The following ZIM2 variants were observed in gnomAD, a reference collection of about 807,000 sequenced individuals.
ZIM2 encodes the protein zinc finger imprinted 2.
A neutral mutation model predicts 38.6 loss-of-function variants in ZIM2; 14 were observed. That is an observed-to-expected ratio of 0.36 (90% CI 0.24 to 0.57). The LOEUF is 0.57. Ranked by LOEUF, ZIM2 falls within the 20% of genes least tolerant of loss-of-function variation. The pLI is 0.81. For missense variants in ZIM2, 680 were observed against 695.1 expected (o/e 0.98, Z 0.24); for synonymous variants, 247 against 245.8 (o/e 1.00, Z -0.04).
At chr19:56,838,830 G>A (rs577404932) in intron 1 of ZIM2, among the ~76,000 whole-genome samples, 1 of 152,298 alleles carries the variant, frequency 6.6e-6, no homozygotes, top group African/African-American at 2.4e-5. Context: ...AGGCAGGCAA[G>A]CACAGCAACC....
chr19:56,789,917 C>G lies in ZIM2; in HGVS notation c.525G>C (p.Lys175Asn). The change falls in exon 10 of 13, where the codon AAG becomes AAC. Residue 175 changes from lysine (K) to asparagine (N), a missense_variant. Transcript: ENST00000629319. ...GATTGTCTAACATCTCTGTGTTCCT[C>G]TTTTCTGCAGGGACAGAGTCCTGAG... ...FLAQDSVPAE[K>N]RNTEMLDNLP... 1 of 1,582,602 alleles carries G rather than the reference C, an allele frequency of 6.3e-7. No individual in the cohort carries two copies. Among genetic ancestry groups the G allele is most frequent in the Non-Finnish European group, 8.6e-7 (1 of 1,158,370 alleles).
intron 3 of ZIM2, among the ~76,000 whole-genome samples, chr19:56,825,960 G>A (rs1256234800): frequency 2.6e-5 from 4 of 152,130 alleles, no homozygotes; most frequent in Non-Finnish European, 5.9e-5. Context: ...CCCTCCCTAT[G>A]CAAACTGCCC....
chr19:56,789,344 C>A (rs993651574), intron 10 of ZIM2, among the ~76,000 whole-genome samples: 1 of 152,178 alleles, frequency 6.6e-6, no homozygotes, highest in Non-Finnish European at 1.5e-5. Context: ...ACTGCACTAC[C>A]TTAGGCAGCA....
intron 2 of ZIM2, among the ~76,000 whole-genome samples, chr19:56,830,106 C>A (rs1440656492): frequency 6.6e-6 from 1 of 152,218 alleles, no homozygotes; most frequent in African/African-American, 2.4e-5. Context: ...ATGAATCCAA[C>A]AGAACAACAG....
At chr19:56,806,669 T>C (rs112005031) in intron 9 of ZIM2, among the ~76,000 whole-genome samples, 5 of 152,300 alleles carry the variant, frequency 3.3e-5, no homozygotes, top group African/African-American at 1.2e-4. Flanking sequence ...AATGTTTGTG[T>C]CCCCACAAAA....
In ZIM2 at chr19:56,782,023, G is replaced by A; in HGVS notation, c.669C>T (p.Ser223=). The A allele has an allele frequency of 2.5e-6, 4 of 1,613,986 alleles. No individual in the cohort carries two copies. The highest frequency in any genetic ancestry group is 3.4e-6 in the Non-Finnish European group (4 of 1,179,928). Residue 223 remains serine, a synonymous_variant, in exon 11 of 13, where the codon TCC becomes TCT. Transcript: ENST00000629319. ...AGAGGTTTCTCTGAGCAGCACTAAG[G>A]GAACTAAGTTCCTCTGGGCTGAAGT... ...LVDFSPEELS[S]LSAAQRNLYR... is the part of the protein sequence containing the mutation.
intron 6 of ZIM2, chr19:56,822,469 GCATAGTCTTT>G: frequency 2.7e-6 from 1 of 370,650 alleles, no homozygotes; most frequent in Non-Finnish European, 4.8e-6. Flanking sequence ...TTTTGCAGTG[GCATAGTCTTT>G]CATACAGAAA....
chr19:56,823,377 A>G (rs139403207), intron 5 of ZIM2, among the ~76,000 whole-genome samples: 12 of 152,192 alleles, frequency 7.9e-5, no homozygotes, highest in Non-Finnish European at 1.6e-4. Context: ...TTTATCGTTG[A>G]ATAAAACGGT....
chr19:56,779,831 T>A (rs1304784444), intron 11 of ZIM2, among the ~76,000 whole-genome samples: 1 of 139,976 alleles, frequency 7.1e-6, no homozygotes, highest in Non-Finnish European at 1.6e-5. Flanking sequence ...GGCAGTGTGC[T>A]GAGCTCTACA....
intron 1 of ZIM2, among the ~76,000 whole-genome samples, chr19:56,840,109 C>G (rs939485728): frequency 6.6e-6 from 1 of 152,224 alleles, no homozygotes; most frequent in Admixed American, 6.5e-5. Flanking sequence ...TTCGCAGCCC[C>G]CAGACCCAGC....
intron 9 of ZIM2, chr19:56,815,502 A>G: frequency 6.2e-7 from 1 of 1,614,120 alleles, no homozygotes; most frequent in Non-Finnish European, 8.5e-7. Context: ...GGTCAGAGCT[A>G]TGAGCAAAGC....
intron 12 of ZIM2, among the ~76,000 whole-genome samples, chr19:56,778,399 C>T (rs768918611): frequency 1.3e-5 from 2 of 152,120 alleles, no homozygotes; most frequent in East Asian, 1.9e-4. Flanking sequence ...CACAGACAAA[C>T]GTGGAGGAGG....
chr19:56,782,340 T>A (rs1315563498), intron 10 of ZIM2: 1 of 559,252 alleles, frequency 1.8e-6, no homozygotes, highest in Non-Finnish European at 3.1e-6. Context: ...AATATCCTTT[T>A]AAGCCACTTT....
intron 12 of ZIM2, among the ~76,000 whole-genome samples, chr19:56,775,794 G>A (rs1004582725): frequency 1.3e-5 from 2 of 151,954 alleles, no homozygotes; most frequent in African/African-American, 2.4e-5. Context: ...AGAGAAAATG[G>A]AAAAAGGATA....
At position 56,774,597 on chromosome 19, in the gene ZIM2, G is replaced by A; in HGVS notation, c.*91C>T. The A allele has an allele frequency of 4.0e-6, 6 of 1,490,966 alleles. No homozygotes were observed. Among genetic ancestry groups the A allele is most frequent in the South Asian group, 1.4e-5 (1 of 69,362 alleles). 92.4% of individuals were successfully genotyped at this position (1,490,966 alleles called of 1,614,324 possible). A position where few individuals can be genotyped will look rare whatever the true frequency, so the allele number is the denominator to read the frequency against. ...GATGAATGTTCAAGTTGTTAACAAGGTGGGGCTAGTGAAAGGCCTTCTCAC... is the reference window on the plus strand; with the variant it reads ...GATGAATGTTCAAGTTGTTAACAAGATGGGGCTAGTGAAAGGCCTTCTCAC... On this transcript the variant is annotated 3_prime_UTR_variant, in exon 13 of 13. Transcript: ENST00000629319.
chr19:56,823,830 T>C, intron 4 of ZIM2, 151 bp from the exon 5 acceptor site: 1 of 931,444 alleles, frequency 1.1e-6, no homozygotes, highest in Non-Finnish European at 1.7e-6. Flanking sequence ...CTTCAGCGGC[T>C]TCCAACCACT....
chr19:56,822,678 G>A (rs2060616216), intron 6 of ZIM2, 75 bp downstream of exon 6: 1 of 1,568,556 alleles, frequency 6.4e-7, no homozygotes, highest in Admixed American at 1.8e-5. Flanking sequence ...TCGAGGCCCT[G>A]GCACTTTCCC....
intron 9 of ZIM2, 125 bp from the exon 10 acceptor site, chr19:56,790,076 A>G (rs550675453): frequency 3.2e-6 from 2 of 632,010 alleles, no homozygotes; most frequent in Non-Finnish European, 4.7e-6. Flanking sequence ...TAGAGTTCCT[A>G]TGGTGAGAAA....
intron 9 of ZIM2, among the ~76,000 whole-genome samples, chr19:56,802,598 G>T (rs1205197435): frequency 6.6e-6 from 1 of 152,174 alleles, no homozygotes; most frequent in African/African-American, 2.4e-5. Flanking sequence ...GGTCCACTCT[G>T]CCTCCAAGTT....
Sources: gnomAD v4.1 joint callset for allele counts (sites outside exome capture counted in the v4.1 genomes callset) on GRCh38, gnomAD v4.1.1 for gene constraint, MANE v1.5 for transcripts, NCBI Gene and HGNC (gene_info 2026-07-23, HGNC 2026-07-21) for gene names.